Variants in NEBL observed in about 807,000 individuals in gnomAD.
NEBL encodes LIM and SH3 protein 2.
A neutral mutation model predicts 140.2 loss-of-function variants in NEBL; 122 were observed. That is an observed-to-expected ratio of 0.87 (90% CI 0.75 to 1.01). The LOEUF (loss-of-function observed/expected upper bound fraction) is 1.01. Among genes scored for constraint, NEBL ranks in the 50% least tolerant of loss-of-function variants. NEBL has a pLI of 0.00. For missense variants in NEBL, 1,365 were observed against 1,231.3 expected, an observed-to-expected ratio of 1.11 and a Z score of -1.62; for synonymous variants, 436 against 398.9, an observed-to-expected ratio of 1.09 and a Z score of -1.11.
chr10:21,102,238 C>A (rs887630851), intron 2 of NEBL, among the ~76,000 whole-genome samples: 1 of 152,172 alleles, frequency 6.6e-6, no homozygotes, highest in Non-Finnish European at 1.5e-5. Flanking sequence ...TCTCGAAATT[C>A]TCTATATCTT....
At chr10:20,945,303 T>C (rs1835100358) in intron 4 of NEBL, among the ~76,000 whole-genome samples, 1 of 152,162 alleles carries the variant, frequency 6.6e-6, no homozygotes, top group African/African-American at 2.4e-5. Flanking sequence ...TGCCTTACTC[T>C]GTACTCCAAA....
chr10:21,052,107 A>C (rs1296858012), intron 2 of NEBL, among the ~76,000 whole-genome samples: 3 of 152,222 alleles, frequency 2.0e-5, no homozygotes, highest in Non-Finnish European at 2.9e-5. Context: ...AAAACTTTAC[A>C]TATCAGATAA....
At chr10:20,793,118 T>C (rs1836162659) in intron 26 of NEBL, among the ~76,000 whole-genome samples, 1 of 152,170 alleles carries the variant, frequency 6.6e-6, no homozygotes, top group Non-Finnish European at 1.5e-5. Context: ...TAGATTTTAG[T>C]TTGCAGATTC....
At chr10:21,049,142 T>C (rs921219245) in intron 2 of NEBL, among the ~76,000 whole-genome samples, 11 of 152,250 alleles carry the variant, frequency 7.2e-5, no homozygotes, top group African/African-American at 2.4e-4. Context: ...TGATCCGTAC[T>C]AAAAGTGTAC....
At chr10:21,215,510 G>A (rs965147685) in intron 3 of NEBL, among the ~76,000 whole-genome samples, 4 of 152,056 alleles carry the variant, frequency 2.6e-5, no homozygotes, top group Admixed American at 6.6e-5. Flanking sequence ...TATTCAGAAT[G>A]AGAAAAGATT....
intron 2 of NEBL, among the ~76,000 whole-genome samples, chr10:21,117,701 T>A (rs999835344): frequency 3.3e-5 from 5 of 152,154 alleles, no homozygotes; most frequent in Admixed American, 2.6e-4. Flanking sequence ...TTTTACTCAA[T>A]CATTGCTGAA....
intron 3 of NEBL, among the ~76,000 whole-genome samples, chr10:21,246,486 C>CT (rs200844704): frequency 7.3e-5 from 11 of 151,286 alleles, no homozygotes; most frequent in Admixed American, 4.0e-4. Context: ...TAAGTGAGTC[C>CT]TTTTTTTTTA....
chr10:20,971,811 C>T (rs1297937588), intron 3 of NEBL, among the ~76,000 whole-genome samples: 4 of 152,062 alleles, frequency 2.6e-5, no homozygotes, highest in Non-Finnish European at 5.9e-5. Flanking sequence ...GACAAGGTTT[C>T]ACTGCATTAG....
chr10:21,001,501 A>G (rs551652439), intron 3 of NEBL, among the ~76,000 whole-genome samples: 57 of 152,216 alleles, frequency 3.7e-4, no homozygotes, highest in African/African-American at 1.3e-3. Context: ...AGGGAAAGAA[A>G]CCCCAAGGAA....
chr10:21,211,432 G>C (rs994158843), intron 3 of NEBL, among the ~76,000 whole-genome samples: 3 of 152,132 alleles, frequency 2.0e-5, no homozygotes, highest in Non-Finnish European at 2.9e-5. Flanking sequence ...AGTGAGCTGT[G>C]ACCTTGCCAG....
Position 20,823,290 on chromosome 10 carries a change from T to C in NEBL, c.1880A>G (p.Lys627Arg), listed in dbSNP as rs1462630235. The change falls in exon 19 of 28, where the codon AAA becomes AGA. Residue 627 changes from lysine to arginine, a missense_variant. By Grantham distance (26) the Lys-to-Arg change is conservative (BLOSUM62 2). Transcript: ENST00000377122. The part of the protein sequence containing the change: ...NQQNISSVKY[K>R]EEIKHATAIS... ...GGCTGTTGCATGTTTAATCTCTTCT[T>C]TGTATTTCACCTGCATAATTTATAA... The C allele has an allele frequency of 1.9e-6, 3 of 1,604,906 alleles. No homozygotes were observed. Among genetic ancestry groups the C allele is most frequent in the East Asian group, 2.2e-5 (1 of 44,712 alleles).
At chr10:20,854,730 A>C (rs1842886416) in intron 9 of NEBL, among the ~76,000 whole-genome samples, 2 of 151,332 alleles carry the variant, frequency 1.3e-5, no homozygotes, top group African/African-American at 4.9e-5. Flanking sequence ...ATGCCTAGCT[A>C]ATTTCTTTAT....
chr10:21,260,097 C>A (rs1234917077), intron 1 of NEBL, among the ~76,000 whole-genome samples: 1 of 152,214 alleles, frequency 6.6e-6, no homozygotes, highest in South Asian at 2.1e-4. Context: ...CAAATCAATA[C>A]GTTTCCAGAT....
intron 3 of NEBL, among the ~76,000 whole-genome samples, chr10:20,962,710 T>C (rs1238565472): frequency 6.6e-6 from 1 of 152,188 alleles, no homozygotes; most frequent in Non-Finnish European, 1.5e-5. Context: ...TCAAGAAATT[T>C]GGAAACATAT....
chr10:21,035,771 C>T (rs1833990613), intron 2 of NEBL, among the ~76,000 whole-genome samples: 1 of 152,092 alleles, frequency 6.6e-6, no homozygotes, highest in African/African-American at 2.4e-5. Flanking sequence ...AAATGGCAAA[C>T]CTCCCACCCA....
chr10:20,948,767 G>A (rs1016165700), intron 4 of NEBL, among the ~76,000 whole-genome samples: 1 of 152,090 alleles, frequency 6.6e-6, no homozygotes, highest in African/African-American at 2.4e-5. Context: ...ATCAAGATTC[G>A]GGCCACACTG....
intron 2 of NEBL, among the ~76,000 whole-genome samples, chr10:21,117,153 G>C (rs570534561): frequency 3.9e-5 from 6 of 152,006 alleles, no homozygotes; most frequent in African/African-American, 9.6e-5. Context: ...AAGAACTTTT[G>C]GTCAAGGGCA....
intron 3 of NEBL, among the ~76,000 whole-genome samples, chr10:21,233,691 T>C (rs1001078401): frequency 2.8e-5 from 4 of 144,310 alleles, no homozygotes; most frequent in Admixed American, 1.4e-4. Flanking sequence ...TATCTAGATA[T>C]AGAGACATAT....
chr10:21,279,197 G>A (rs957282247), intron 1 of NEBL, among the ~76,000 whole-genome samples: 15 of 151,638 alleles, frequency 9.9e-5, no homozygotes, highest in African/African-American at 3.6e-4. Flanking sequence ...CAGCCTGGCT[G>A]CATTCCAATA....
Sources: allele counts gnomAD v4.1 joint callset (sites outside exome capture counted in the v4.1 genomes callset), GRCh38; gene constraint gnomAD v4.1.1; transcripts MANE v1.5; gene names NCBI Gene and HGNC (gene_info 2026-07-23, HGNC 2026-07-21).